Variants in DLGAP2 observed in about 807,000 individuals in gnomAD.
DLGAP2 encodes the protein DLG associated protein 2, also known as disks large-associated protein 2.
Under a neutral mutation model 100.3 loss-of-function variants are expected in DLGAP2, and 26 were observed. The ratio of observed to expected loss-of-function variants is 0.26; its 90% confidence interval spans 0.19 to 0.36. The LOEUF is 0.36. Ranked by LOEUF, DLGAP2 falls within the 10% of genes least tolerant of loss-of-function variation. The pLI, the probability that DLGAP2 is intolerant of heterozygous loss-of-function variation, is 1.00. For missense variants in DLGAP2, 1,858 were observed against 1,453.2 expected (o/e 1.28, Z -4.53); for synonymous variants, 886 against 630.1 (o/e 1.41, Z -6.08).
chr8:768,936 G>T (rs761240534), intron 1 of DLGAP2, among the ~76,000 whole-genome samples: 1 of 152,160 alleles, frequency 6.6e-6, no homozygotes, highest in Non-Finnish European at 1.5e-5. Flanking sequence ...GCTGGCTCTG[G>T]TCTGAACCTT....
chr8:1,189,468 G>C (rs1487590991), intron 2 of DLGAP2, among the ~76,000 whole-genome samples: 1 of 152,192 alleles, frequency 6.6e-6, no homozygotes, highest in Non-Finnish European at 1.5e-5. Context: ...GTTTAAACCA[G>C]ACCTTCTTTT....
At chr8:800,140 A>G (rs1325344548) in intron 1 of DLGAP2, among the ~76,000 whole-genome samples, 2 of 152,052 alleles carry the variant, frequency 1.3e-5, no homozygotes, top group Non-Finnish European at 2.9e-5. Context: ...GCCACATGCC[A>G]AGTGGAGCTC....
rs113424052 is a variant in DLGAP2 at position 1,685,734 on chromosome 8, G to GAA, written c.2705-5789_2705-5788dup. ...GAATATACAAGGAGCTCAAATAACAGAAAAAAAAAAAAATTCAAAAATGGG... is the reference window on the plus strand; with the variant it reads ...GAATATACAAGGAGCTCAAATAACAGAAAAAAAAAAAAAAATTCAAAAATGGG... On this transcript the variant is annotated intron_variant, in intron 12 of 14. Transcript: ENST00000637795. Among the ~76,000 whole-genome samples, 150 of 136,732 alleles carry GAA rather than the reference G, an allele frequency of 1.1e-3. 1 individual carries two copies. Among genetic ancestry groups the GAA allele is most frequent in the African/African-American group, 3.9e-3 (144 of 36,766 alleles). The allele number at this position is 136,732 out of a possible 152,430, so 89.7% of individuals were successfully genotyped here.
At chr8:1,353,791 C>G (rs536743289) in intron 3 of DLGAP2, among the ~76,000 whole-genome samples, 2 of 151,752 alleles carry the variant, frequency 1.3e-5, no homozygotes, top group African/African-American at 4.8e-5. Context: ...GGCAAAAACA[C>G]GACAGGAAAA....
chr8:1,246,262 A>G (rs188222860), intron 2 of DLGAP2, among the ~76,000 whole-genome samples: 1 of 152,360 alleles, frequency 6.6e-6, no homozygotes, highest in African/African-American at 2.4e-5. Context: ...GTAGAGTTCT[A>G]GAAACTTGCA....
intron 2 of DLGAP2, among the ~76,000 whole-genome samples, chr8:1,008,825 A>G (rs1801195949): frequency 6.6e-6 from 1 of 152,168 alleles, no homozygotes; most frequent in Non-Finnish European, 1.5e-5. Context: ...GAACTGGGAG[A>G]GGGGCCCCGG....
chr8:1,491,370 G>GAGGCTTCGGGCCGCTCCCCCTGACCCCA lies in DLGAP2; in HGVS notation c.107-9996_107-9995insAGGCTTCGGGCCGCTCCCCCTGACCCCA, dbSNP rs1563180286. Among the ~76,000 whole-genome samples the GAGGCTTCGGGCCGCTCCCCCTGACCCCA allele has an allele frequency of 1.0e-4, 4 of 39,362 alleles. 1 individual carries two copies. In the Admixed American group the frequency reaches 1.3e-3, roughly 13 times the overall value. 25.8% of individuals were successfully genotyped at this position (39,362 alleles called of 152,430 possible). Reference sequence around the variant, plus strand: ...GCTTCGGGCCGCTCCCCCTGACCCCGGAGGCTTCGGGCTGCTCCCCCTGAC... The same window carrying GAGGCTTCGGGCCGCTCCCCCTGACCCCA: ...GCTTCGGGCCGCTCCCCCTGACCCCGAGGCTTCGGGCCGCTCCCCCTGACCCCAGAGGCTTCGGGCTGCTCCCCCTGAC... On this transcript the variant is annotated intron_variant, in intron 3 of 14. Transcript: ENST00000637795.
Position 1,681,331 on chromosome 8 carries a change from T to A in DLGAP2, c.2704+2702T>A, listed in dbSNP as rs551090355. ...TTATCATTTTTGAAAAGATATCTTTTAAAAAAAAATAGAATCCTCAGCTGG... is the reference window on the plus strand; with the variant it reads ...TTATCATTTTTGAAAAGATATCTTTAAAAAAAAAATAGAATCCTCAGCTGG... On this transcript the variant is annotated intron_variant, in intron 12 of 14. Coordinates refer to ENST00000637795, the MANE Select transcript of DLGAP2 (RefSeq NM_001346810.2). 1.5e-4 allele frequency among the ~76,000 whole-genome samples: 23 copies of A among 151,184 alleles called. 1 individual carries two copies. The highest frequency in any genetic ancestry group is 1.4e-3 in the Admixed American group (22 of 15,198).
chr8:1,598,709 T>G (rs1796533670), intron 6 of DLGAP2, among the ~76,000 whole-genome samples: 3 of 152,206 alleles, frequency 2.0e-5, no homozygotes, highest in Admixed American at 2.0e-4. Context: ...TCAGTGGTGA[T>G]CTCCCCTTTA....
At chr8:1,168,542 G>A (rs1797064684) in intron 2 of DLGAP2, among the ~76,000 whole-genome samples, 2 of 146,966 alleles carry the variant, frequency 1.4e-5, no homozygotes, top group Non-Finnish European at 3.0e-5. Context: ...TCCAGCACCT[G>A]TTGTTTCCTG....
Position 1,549,053 on chromosome 8 carries a change from G to T in DLGAP2, c.600G>T (p.Leu200=). ...ANLLDQFEKQ[L]PLHRDGFHTL... is the part of the protein sequence containing the mutation. ...TGCTGGACCAGTTCGAGAAGCAGCTGCCGCTGCACCGGGACGGCTTCCACA... is the reference window on the plus strand; with the variant it reads ...TGCTGGACCAGTTCGAGAAGCAGCTTCCGCTGCACCGGGACGGCTTCCACA... Residue 200 remains leucine (L), a synonymous_variant, in exon 5 of 15, where the codon CTG becomes CTT. Transcript: ENST00000637795. 1 of 1,592,424 alleles carries T rather than the reference G, an allele frequency of 6.3e-7. No homozygotes were observed. Among genetic ancestry groups the T allele is most frequent in the South Asian group, 1.1e-5 (1 of 89,102 alleles).
chr8:980,578 A>T (rs1382614385), intron 2 of DLGAP2, among the ~76,000 whole-genome samples: 1 of 152,198 alleles, frequency 6.6e-6, no homozygotes, highest in East Asian at 1.9e-4. Context: ...GTTGTGAAAC[A>T]CGTGCTGTGT....
intron 1 of DLGAP2, among the ~76,000 whole-genome samples, chr8:769,192 C>T (rs1179155079): frequency 6.6e-6 from 1 of 152,084 alleles, no homozygotes; most frequent in African/African-American, 2.4e-5. Context: ...TAAACAGAAG[C>T]ATTTCATCCC....
At chr8:1,097,178 C>G (rs1333691505) in intron 2 of DLGAP2, among the ~76,000 whole-genome samples, 5 of 134,860 alleles carry the variant, frequency 3.7e-5, no homozygotes, top group African/African-American at 1.5e-4. Flanking sequence ...ACCCAGCTCC[C>G]TCTGCTCAGG....
intron 2 of DLGAP2, among the ~76,000 whole-genome samples, chr8:1,149,658 A>G (rs1796665302): frequency 6.6e-6 from 1 of 152,246 alleles, no homozygotes; most frequent in South Asian, 2.1e-4. Context: ...TATATATTAA[A>G]TGTAATTCAT....
chr8:955,875 G>C (rs972215362), intron 2 of DLGAP2, among the ~76,000 whole-genome samples: 2 of 152,234 alleles, frequency 1.3e-5, no homozygotes, highest in Non-Finnish European at 2.9e-5. Context: ...GAACAACAAG[G>C]GGTGGCGGCC....
In DLGAP2 at chr8:1,657,711, CTTAATG is replaced by C. The variant is rs1445972976; in HGVS notation, c.1811-10612_1811-10607del. 2.6e-5 allele frequency among the ~76,000 whole-genome samples: 4 copies of C among 152,180 alleles called. No homozygotes were observed. The East Asian group carries it at 7.7e-4, about 29-fold the overall frequency. ...TACTTCCATGTTTCAGAAATCATTTCTTAATGTTAATCTCTATATCAAAATCATTTT... is the reference window on the plus strand; with the variant it reads ...TACTTCCATGTTTCAGAAATCATTTCTTAATCTCTATATCAAAATCATTTT... On this transcript the variant is annotated intron_variant, in intron 8 of 14. Transcript: ENST00000637795.
rs945008092 is a variant in DLGAP2 at position 1,373,490 on chromosome 8, C to T, written c.106+114607C>T. ...CGAATCCGGGATCAGGTTTGTGTTT[C>T]TGTGGACACGTCTGCCCACAAAGAG... On this transcript the variant is annotated intron_variant, in intron 3 of 14. Coordinates refer to ENST00000637795, the MANE Select transcript of DLGAP2 (RefSeq NM_001346810.2). Among the ~76,000 whole-genome samples, 4 of 152,242 alleles carry T rather than the reference C, an allele frequency of 2.6e-5. No homozygotes were observed. The East Asian group carries it at 7.7e-4, about 29-fold the overall frequency.
Position 1,387,941 on chromosome 8 carries a change from G to A in DLGAP2, c.107-113425G>A, listed in dbSNP as rs138616903. Among the ~76,000 whole-genome samples, 61 of 152,362 alleles carry A rather than the reference G, an allele frequency of 4.0e-4. 1 individual carries two copies. In the East Asian group the frequency reaches 8.1e-3, roughly 20 times the overall value. On this transcript the variant is annotated intron_variant, in intron 3 of 14. Coordinates refer to ENST00000637795, the MANE Select transcript of DLGAP2 (RefSeq NM_001346810.2). ...TCTGGAGCCCCACAGTTAGGGTTAC[G>A]GGTGGGTTAGCGATCAAGGCGTGGA...
Sources: gnomAD v4.1 joint callset for allele counts (sites outside exome capture counted in the v4.1 genomes callset) on GRCh38, gnomAD v4.1.1 for gene constraint, MANE v1.5 for transcripts, NCBI Gene and HGNC (gene_info 2026-07-23, HGNC 2026-07-21) for gene names.